Variants in NMRAL1 observed in about 807,000 individuals in gnomAD.
NMRAL1 encodes the protein NmrA like redox sensor 1, also known as nmrA-like family domain-containing protein 1.
A neutral mutation model predicts 27.5 loss-of-function variants in NMRAL1; 32 were observed. The ratio of observed to expected loss-of-function variants is 1.16; its 90% confidence interval spans 0.88 to 1.56. The LOEUF (loss-of-function observed/expected upper bound fraction) is 1.56. Ranked by LOEUF, NMRAL1 falls within the 40% of genes most tolerant of loss-of-function variation. The pLI, the probability that NMRAL1 is intolerant of heterozygous loss-of-function variation, is 0.00. For missense variants in NMRAL1, 420 were observed against 392.0 expected (o/e 1.07, Z -0.60); for synonymous variants, 166 against 166.8 (o/e 1.00, Z 0.04).
At position 4,469,160 on chromosome 16, in the gene NMRAL1, G is replaced by A. The variant is rs919921565; in HGVS notation, c.279+67C>T. 4.5e-5 allele frequency: 47 copies of A among 1,047,458 alleles called. 1 individual carries two copies. In the Admixed American group the frequency reaches 5.1e-4, roughly 11 times the overall value. The allele number at this position is 1,047,458 out of a possible 1,614,324, so 64.9% of individuals were successfully genotyped here. ...AGTGCTCCAACCTCCCTGCAGAGTC[G>A]GAGCTCCTCCCAGGCGCTCTGCTCC... On this transcript the variant is annotated intron_variant, in intron 3 of 5. Transcript: ENST00000283429.
At chr16:4,474,862 G>A (rs189929955), upstream of NMRAL1, 1 of 152,334 alleles carries the variant, frequency 6.6e-6, no homozygotes, top group Non-Finnish European at 1.5e-5. Flanking sequence ...TGGGCGTCAG[G>A]CAAAGATAAT....
intron 2 of NMRAL1, among the ~76,000 whole-genome samples, chr16:4,471,890 C>G (rs1401476138): frequency 1.2e-4 from 18 of 151,880 alleles, no homozygotes; most frequent in Admixed American, 1.2e-3. Context: ...GCCTAGGCAG[C>G]AGGGTGAGAC....
chr16:4,463,898 G>A lies in NMRAL1; in HGVS notation c.530-48C>T, dbSNP rs376877807. 35 of 1,537,796 alleles carry A rather than the reference G, an allele frequency of 2.3e-5. No individual in the cohort carries two copies. The African/African-American group carries it at 4.8e-4, about 21-fold the overall frequency. On this transcript the variant is annotated intron_variant, in intron 4 of 5. Transcript: ENST00000283429. ...GGTATATGTCCCGAGGGCAGACAGG[G>A]GCAGGGACAGAGCCCCTCTCCAAAG...
rs775168533 is a variant in NMRAL1, at chr16:4,474,141, G to C, written c.-9C>G. 1.9e-6 allele frequency: 3 copies of C among 1,610,784 alleles called. No individual in the cohort carries two copies. Among genetic ancestry groups the C allele is most frequent in the East Asian group, 2.2e-5 (1 of 44,870 alleles). ...AGTTTCTTGTCCACCATGAGGACGA[G>C]AATGGGACGAATCCGGTCCAGAGAT... On this transcript the variant is annotated 5_prime_UTR_variant, in exon 2 of 6. Coordinates refer to ENST00000283429, the MANE Select transcript of NMRAL1 (RefSeq NM_020677.6).
rs2057465163 is a variant in NMRAL1, at chr16:4,469,452, G to A, written c.54C>T (p.Gly18=). ...CTTCCAGGAGTGTGCGGGCCACGGA[G>A]CCACCCTGGGCACCTACAAAGAATC... ...VVFGGTGAQG[G]SVARTLLEDG... Residue 18 remains glycine, a synonymous_variant, in exon 3 of 6, where the codon GGC becomes GGT. Transcript: ENST00000283429. 2 of 1,613,548 alleles carry A rather than the reference G, an allele frequency of 1.2e-6. No homozygotes were observed. The highest frequency in any genetic ancestry group is 3.3e-5 in the Admixed American group (2 of 59,978).
chr16:4,466,645 G>T, intron 3 of NMRAL1: 1 of 541,924 alleles, frequency 1.8e-6, no homozygotes, highest in Non-Finnish European at 3.3e-6. Context: ...ACATAGGACG[G>T]GGGGGCAGGT....
intron 4 of NMRAL1, among the ~76,000 whole-genome samples, chr16:4,464,778 C>CT (rs989190098): frequency 6.6e-6 from 1 of 151,750 alleles, no homozygotes; most frequent in Non-Finnish European, 1.5e-5. Flanking sequence ...CCACACCCGG[C>CT]TAAGTTTTTG....
At position 4,469,286 on chromosome 16, in the gene NMRAL1, C is replaced by T. The variant is rs745424104; in HGVS notation, c.220G>A (p.Ala74Thr). ...CAGTAATTGGTCACGATGAAGGTGG[C>T]GTAAGCCCCATTCAGGGCCAGCTCC... ...IMELALNGAYATFIVTNYWES... is the reference protein window; with the variant it reads ...IMELALNGAYTTFIVTNYWES... The change falls in exon 3 of 6, where the codon GCC becomes ACC. Residue 74 changes from alanine to threonine, a missense_variant. Physicochemically the swap from Ala to Thr is moderately conservative, Grantham distance 58. Coordinates refer to ENST00000283429, the MANE Select transcript of NMRAL1 (RefSeq NM_020677.6). 2.2e-5 allele frequency: 36 copies of T among 1,614,020 alleles called. No individual in the cohort carries two copies. Among genetic ancestry groups the T allele is most frequent in the South Asian group, 6.6e-5 (6 of 91,092 alleles).
At position 4,461,947 on chromosome 16, in the gene NMRAL1, C is replaced by T. The variant is rs1412762715; in HGVS notation, c.733G>A (p.Asp245Asn). 2 of 1,611,866 alleles carry T rather than the reference C, an allele frequency of 1.2e-6. No individual in the cohort carries two copies. The highest frequency in any genetic ancestry group is 1.7e-6 in the Non-Finnish European group (2 of 1,178,936). The change falls in exon 6 of 6, where the codon GAC (aspartate) becomes AAC (asparagine). Residue 245 changes from aspartate to asparagine, a missense_variant. Coordinates refer to ENST00000283429, the MANE Select transcript of NMRAL1 (RefSeq NM_020677.6). ...CCGGGAAAGCCAAGCTTTTCGTAGT[C>T]CTCAGGAGTCATCTGGAAGCAGAGG... Reference protein sequence around the residue: ...VVHDAKMTPEDYEKLGFPGAR... With the variant: ...VVHDAKMTPENYEKLGFPGAR...
At chr16:4,468,372 T>C (rs1348706580) in intron 3 of NMRAL1, among the ~76,000 whole-genome samples, 1 of 152,008 alleles carries the variant, frequency 6.6e-6, no homozygotes. Flanking sequence ...TCCCAGCACT[T>C]TGGGAGGCCG....
chr16:4,461,928 A>G lies in NMRAL1; in HGVS notation c.752T>C (p.Phe251Ser), dbSNP rs756418093. 4 of 1,614,016 alleles carry G rather than the reference A, an allele frequency of 2.5e-6. No individual in the cohort carries two copies. The South Asian group carries it at 4.4e-5, about 18-fold the overall frequency. Residue 251 changes from phenylalanine (F) to serine (S), a missense_variant, in exon 6 of 6, where the codon TTT becomes TCT. By Grantham distance (155) the Phe-to-Ser change is radical. Transcript: ENST00000283429. ...MTPEDYEKLG[F>S]PGARDLANMF... ...GTTGGCCAGGTCCCGGGCACCGGGA[A>G]AGCCAAGCTTTTCGTAGTCCTCAGG...
Position 4,461,733 on chromosome 16 carries a change from C to A in NMRAL1, c.*47G>T, listed in dbSNP as rs1455697298. On this transcript the variant is annotated 3_prime_UTR_variant, in exon 6 of 6. Coordinates refer to ENST00000283429, the MANE Select transcript of NMRAL1 (RefSeq NM_020677.6). ...CTTTATTCAGATGTTGGTGCCTCTG[C>A]CCCTCTGGTGCCCCCGATCCCCACA... 6.5e-7 allele frequency: 1 copy of A among 1,529,116 alleles called. No individual in the cohort carries two copies. The highest frequency in any genetic ancestry group is 8.8e-7 in the Non-Finnish European group (1 of 1,129,968). 94.7% of individuals were successfully genotyped at this position (1,529,116 alleles called of 1,614,324 possible).
At chr16:4,464,890 A>G (rs941880207) in intron 4 of NMRAL1, among the ~76,000 whole-genome samples, 7 of 150,676 alleles carry the variant, frequency 4.6e-5, no homozygotes. Context: ...TGCTGGGATT[A>G]CAGGCGTAAG....
intron 2 of NMRAL1, chr16:4,469,682 T>C: frequency 1.0e-6 from 1 of 953,248 alleles, no homozygotes; most frequent in Non-Finnish European, 1.5e-6. Flanking sequence ...CGATCTTGGC[T>C]TGGTGAAACC....
intron 2 of NMRAL1, chr16:4,469,736 A>G: frequency 1.9e-6 from 1 of 515,008 alleles, no homozygotes; most frequent in Non-Finnish European, 3.4e-6. Context: ...GTGTGAAGGC[A>G]CATGCCTGTA....
chr16:4,474,333 G>A, intron 1 of NMRAL1, 167 bp from the exon 2 acceptor site: 1 of 570,532 alleles, frequency 1.8e-6, no homozygotes, highest in Non-Finnish European at 3.2e-6. Context: ...GACCCACCTC[G>A]TGTCCCTTGG....
At chr16:4,462,860 TTC>T (rs1440653866) in intron 5 of NMRAL1, among the ~76,000 whole-genome samples, 1 of 151,602 alleles carries the variant, frequency 6.6e-6, no homozygotes, top group Admixed American at 6.6e-5. Context: ...GTTTCCCAGA[TTC>T]TTTTTTTTTT....
intron 3 of NMRAL1, among the ~76,000 whole-genome samples, chr16:4,468,400 G>A (rs933947843): frequency 1.3e-5 from 2 of 152,144 alleles, no homozygotes; most frequent in African/African-American, 2.4e-5. Flanking sequence ...CGGATCACCT[G>A]AGGTCAGGAG....
At chr16:4,472,810 C>G (rs2057627226) in intron 2 of NMRAL1, among the ~76,000 whole-genome samples, 1 of 151,028 alleles carries the variant, frequency 6.6e-6, no homozygotes, top group Non-Finnish European at 1.5e-5. Flanking sequence ...TGAAAACATG[C>G]TAACTGAAGA....
Sources: allele counts gnomAD v4.1 joint callset (sites outside exome capture counted in the v4.1 genomes callset), GRCh38; gene constraint gnomAD v4.1.1; transcripts MANE v1.5; gene names NCBI Gene and HGNC (gene_info 2026-07-23, HGNC 2026-07-21).